NR3C2: variants seen among roughly 807,000 people sequenced by gnomAD.
The protein encoded by NR3C2 is mineralocorticoid receptor.
In NR3C2, 15 loss-of-function variants were observed where a neutral mutation model predicts 86.4. That is an observed-to-expected ratio of 0.17 (90% CI 0.12 to 0.27). The LOEUF (loss-of-function observed/expected upper bound fraction) is 0.27, where lower values mean the gene tolerates loss of function less well. Among genes scored for constraint, NR3C2 ranks in the 10% least tolerant of loss-of-function variants. The probability of loss-of-function intolerance (pLI) is 1.00; values close to 1 mark genes in which losing one functional copy is unlikely to be tolerated. For missense variants in NR3C2, 960 were observed against 1,195.6 expected, an observed-to-expected ratio of 0.80 and a Z score of 2.91; for synonymous variants, 458 against 450.5, an observed-to-expected ratio of 1.02 and a Z score of -0.21.
intron 3 of NR3C2, among the ~76,000 whole-genome samples, chr4:148,257,270 T>C (rs1224015305): frequency 6.6e-6 from 1 of 152,200 alleles, no homozygotes; most frequent in East Asian, 1.9e-4. Context: ...TATATGTATA[T>C]ACATACAAAG....
chr4:148,099,231 ATT>A (rs1359094132), intron 8 of NR3C2, among the ~76,000 whole-genome samples: 1 of 152,210 alleles, frequency 6.6e-6, no homozygotes, highest in Admixed American at 6.5e-5. Flanking sequence ...TTTATTAAGA[ATT>A]TCCAGATGGG....
At chr4:148,118,607 A>C (rs1315308368) in intron 7 of NR3C2, among the ~76,000 whole-genome samples, 3 of 152,124 alleles carry the variant, frequency 2.0e-5, no homozygotes, top group Non-Finnish European at 4.4e-5. Flanking sequence ...CCCAGTCCCC[A>C]GTTCTCCCCA....
chr4:148,091,202 A>AG (rs1731045778), intron 8 of NR3C2, among the ~76,000 whole-genome samples: 1 of 152,256 alleles, frequency 6.6e-6, no homozygotes, highest in Admixed American at 6.5e-5. Flanking sequence ...TGCTGATGTC[A>AG]GGGAACATCT....
At chr4:148,165,341 AT>A (rs755950020) in intron 4 of NR3C2, among the ~76,000 whole-genome samples, 14 of 151,528 alleles carry the variant, frequency 9.2e-5, no homozygotes, top group Non-Finnish European at 1.3e-4. Flanking sequence ...TAATTTCAGA[AT>A]TTTTTTTTAT....
intron 2 of NR3C2, among the ~76,000 whole-genome samples, chr4:148,326,251 A>C (rs77948576): frequency 2.8e-5 from 4 of 145,110 alleles, no homozygotes; most frequent in Non-Finnish European, 6.0e-5. Flanking sequence ...AAAAAAAAAA[A>C]TTAGCCGGGC....
At chr4:148,101,595 A>C (rs1731538153) in intron 8 of NR3C2, among the ~76,000 whole-genome samples, 1 of 152,224 alleles carries the variant, frequency 6.6e-6, no homozygotes, top group South Asian at 2.1e-4. Context: ...CACATGTGTG[A>C]TATATACACA....
upstream of NR3C2, among the ~76,000 whole-genome samples, chr4:148,443,158 T>C (rs1323529664): frequency 6.8e-6 from 1 of 147,152 alleles, no homozygotes; most frequent in East Asian, 2.0e-4. Context: ...AATTTAGTTG[T>C]TTTAACCGTG....
At chr4:148,172,548 T>C (rs1393601570) in intron 4 of NR3C2, among the ~76,000 whole-genome samples, 1 of 152,222 alleles carries the variant, frequency 6.6e-6, no homozygotes, top group Non-Finnish European at 1.5e-5. Context: ...GTTTGGACTC[T>C]GTTATAGGAC....
chr4:148,123,120 A>T (rs1373539334), intron 6 of NR3C2, among the ~76,000 whole-genome samples: 1 of 152,136 alleles, frequency 6.6e-6, no homozygotes, highest in Admixed American at 6.5e-5. Flanking sequence ...AGGTCTATAA[A>T]TGGCCGCTCT....
At chr4:148,408,766 A>G (rs1185742515) in intron 2 of NR3C2, among the ~76,000 whole-genome samples, 1 of 152,218 alleles carries the variant, frequency 6.6e-6, no homozygotes, top group African/African-American at 2.4e-5. Context: ...TCAGAGAAAT[A>G]TTTAGTGTAT....
intron 4 of NR3C2, among the ~76,000 whole-genome samples, chr4:148,166,036 A>C (rs1238695062): frequency 6.6e-6 from 1 of 152,214 alleles, no homozygotes; most frequent in Admixed American, 6.5e-5. Context: ...TTTAAATATT[A>C]CTCCACATTT....
chr4:148,318,720 GT>G (rs1402128773), intron 2 of NR3C2, among the ~76,000 whole-genome samples: 4 of 151,668 alleles, frequency 2.6e-5, no homozygotes, highest in African/African-American at 9.7e-5. Context: ...TTTTGATGGG[GT>G]TGTTTGTTTT....
intron 3 of NR3C2, among the ~76,000 whole-genome samples, chr4:148,240,330 C>T (rs9995276): frequency 0.53 from 79,578 of 150,342 alleles, 22,513 homozygotes; most frequent in East Asian, 0.68. Flanking sequence ...TTTACACTTA[C>T]AGAACATCTC....
intron 3 of NR3C2, among the ~76,000 whole-genome samples, chr4:148,250,755 G>C (rs907848662): frequency 7.9e-5 from 12 of 152,166 alleles, no homozygotes; most frequent in Non-Finnish European, 1.8e-4. Flanking sequence ...TGAAGCCTCA[G>C]TAGTTCTAAA....
intron 4 of NR3C2, among the ~76,000 whole-genome samples, chr4:148,187,905 G>T (rs1373397469): frequency 2.0e-5 from 3 of 152,054 alleles, no homozygotes; most frequent in Non-Finnish European, 4.4e-5. Context: ...TATAAGGTGA[G>T]GGATGAGGAT....
intron 3 of NR3C2, among the ~76,000 whole-genome samples, chr4:148,231,308 C>G (rs1738448773): frequency 6.6e-6 from 1 of 152,124 alleles, no homozygotes; most frequent in Non-Finnish European, 1.5e-5. Flanking sequence ...TTGATAAATT[C>G]TAATATATTC....
At chr4:148,197,205 T>C (rs933547428) in intron 3 of NR3C2, among the ~76,000 whole-genome samples, 4 of 152,174 alleles carry the variant, frequency 2.6e-5, no homozygotes, top group Admixed American at 6.5e-5. Context: ...TCTTTGGAAA[T>C]GAGAAGCAAC....
intron 2 of NR3C2, among the ~76,000 whole-genome samples, chr4:148,355,454 C>A (rs369114693): frequency 1.3e-5 from 2 of 152,294 alleles, no homozygotes; most frequent in Admixed American, 6.5e-5. Context: ...CCCTCTACCC[C>A]ACTCCCACAC....
intron 3 of NR3C2, among the ~76,000 whole-genome samples, chr4:148,233,404 G>T (rs1416795255): frequency 3.6e-5 from 5 of 139,486 alleles, no homozygotes; most frequent in Non-Finnish European, 6.1e-5. Context: ...CTGTTGCCCA[G>T]ACTGGAGTGC....
Sources: allele counts gnomAD v4.1 joint callset (sites outside exome capture counted in the v4.1 genomes callset), GRCh38; gene constraint gnomAD v4.1.1; transcripts MANE v1.5; gene names NCBI Gene and HGNC (gene_info 2026-07-23, HGNC 2026-07-21).